CNTN6: variants seen among roughly 807,000 people sequenced by gnomAD.
CNTN6 encodes the protein contactin-6.
In CNTN6, 137 loss-of-function variants were observed where a neutral mutation model predicts 122.8. That is an observed-to-expected ratio of 1.12 (90% CI 0.97 to 1.29). The LOEUF is 1.29. CNTN6 is among the 50% of genes most tolerant of loss of function. CNTN6 has a pLI of 0.00. For missense variants in CNTN6, 1,634 were observed against 1,223.4 expected (o/e 1.34, Z -5.01); for synonymous variants, 570 against 426.0 (o/e 1.34, Z -4.16).
chr3:1,196,361 A>T (rs756567613), intron 2 of CNTN6, among the ~76,000 whole-genome samples: 2 of 152,220 alleles, frequency 1.3e-5, no homozygotes, highest in Non-Finnish European at 2.9e-5. Context: ...GAGCCAAGAT[A>T]CTTCTGACCT....
chr3:1,366,409 G>A (rs969631027), intron 12 of CNTN6, among the ~76,000 whole-genome samples: 4 of 151,982 alleles, frequency 2.6e-5, no homozygotes, highest in African/African-American at 4.8e-5. Context: ...GATGAGCCTC[G>A]AGTAACTGCA....
chr3:1,224,890 C>A (rs1457372928), intron 3 of CNTN6, among the ~76,000 whole-genome samples: 1 of 152,112 alleles, frequency 6.6e-6, no homozygotes, highest in African/African-American at 2.4e-5. Flanking sequence ...GGATTACAGG[C>A]GTGTGCCACT....
At chr3:1,236,200 C>G (rs527724668) in intron 4 of CNTN6, among the ~76,000 whole-genome samples, 1 of 152,090 alleles carries the variant, frequency 6.6e-6, no homozygotes, top group African/African-American at 2.4e-5. Context: ...ACCTGAGAAA[C>G]CTGAATACTT....
chr3:1,178,902 G>T (rs2093503039), intron 2 of CNTN6, among the ~76,000 whole-genome samples: 1 of 152,042 alleles, frequency 6.6e-6, no homozygotes, highest in Non-Finnish European at 1.5e-5. Context: ...TCTTCACACT[G>T]CAACTCTCTG....
intron 1 of CNTN6, among the ~76,000 whole-genome samples, chr3:1,120,378 T>C (rs1055993336): frequency 6.6e-6 from 1 of 151,994 alleles, no homozygotes; most frequent in African/African-American, 2.4e-5. Flanking sequence ...GGTCAGTCTT[T>C]TTAGTTTTAG....
At chr3:1,234,492 T>C (rs951021040) in intron 4 of CNTN6, among the ~76,000 whole-genome samples, 6 of 152,148 alleles carry the variant, frequency 3.9e-5, no homozygotes, top group African/African-American at 1.4e-4. Flanking sequence ...AGCAGTTATA[T>C]GTGCTCCCGA....
chr3:1,372,919 G>A lies in CNTN6; in HGVS notation c.1750G>A (p.Glu584Lys). 1 of 1,606,478 alleles carries A rather than the reference G, an allele frequency of 6.2e-7. No homozygotes were observed. Among genetic ancestry groups the A allele is most frequent in the Non-Finnish European group, 8.5e-7 (1 of 1,175,036 alleles). ...TCTCTGCACAGTACAAACAACCCTA[G>A]AAAGTTTATCTGCAGTAGCCGATAT... ...KYLCTVQTTL[E>K]SLSAVADIIV... Residue 584 changes from glutamate (E) to lysine (K), a missense_variant, in exon 14 of 23, where the codon GAA becomes AAA. Glu to Lys is a moderately conservative substitution (Grantham distance 56). Coordinates refer to ENST00000446702, the MANE Select transcript of CNTN6 (RefSeq NM_001289080.2).
At chr3:1,217,499 A>G (rs1180360795) in intron 2 of CNTN6, among the ~76,000 whole-genome samples, 1 of 152,238 alleles carries the variant, frequency 6.6e-6, no homozygotes, top group Non-Finnish European at 1.5e-5. Context: ...AATTAACAAA[A>G]GAAAAGCAGA....
intron 4 of CNTN6, among the ~76,000 whole-genome samples, chr3:1,247,014 A>G (rs1243270607): frequency 1.3e-5 from 2 of 151,878 alleles, no homozygotes; most frequent in African/African-American, 4.8e-5. Context: ...AAAAATTTAA[A>G]TTTAACATAG....
At chr3:1,351,471 G>T (rs1705618721) in intron 11 of CNTN6, among the ~76,000 whole-genome samples, 1 of 151,162 alleles carries the variant, frequency 6.6e-6, no homozygotes, top group South Asian at 2.1e-4. Flanking sequence ...GCCTAAAATT[G>T]GACGAATATT....
At chr3:1,339,140 C>T (rs1387371211) in intron 11 of CNTN6, among the ~76,000 whole-genome samples, 2 of 150,708 alleles carry the variant, frequency 1.3e-5, no homozygotes, top group African/African-American at 2.4e-5. Context: ...AATTTTTTTT[C>T]AAATGAAATG....
intron 20 of CNTN6, among the ~76,000 whole-genome samples, chr3:1,399,261 C>A (rs1253651030): frequency 6.6e-6 from 1 of 151,970 alleles, no homozygotes; most frequent in African/African-American, 2.4e-5. Context: ...TTGCAATATC[C>A]TGTGAGAATT....
chr3:1,185,643 C>A (rs1398708875), intron 2 of CNTN6, among the ~76,000 whole-genome samples: 2 of 152,140 alleles, frequency 1.3e-5, no homozygotes, highest in African/African-American at 2.4e-5. Flanking sequence ...CAATTAATGA[C>A]ACAATAAATA....
intron 2 of CNTN6, among the ~76,000 whole-genome samples, chr3:1,161,697 TA>T (rs961276011): frequency 4.2e-4 from 63 of 151,310 alleles, no homozygotes; most frequent in Non-Finnish European, 1.5e-4. Flanking sequence ...ATTTATTCGG[TA>T]CAAAAAACAA....
chr3:1,278,440 G>T lies in CNTN6; in HGVS notation c.386G>T (p.Arg129Ile). 1 of 1,608,014 alleles carries T rather than the reference G, an allele frequency of 6.2e-7. No homozygotes were observed. The highest frequency in any genetic ancestry group is 8.5e-7 in the Non-Finnish European group (1 of 1,176,140). Residue 129 changes from arginine (R) to isoleucine (I), a missense_variant, in exon 5 of 23, where the codon AGA becomes ATA. Transcript: ENST00000446702. ...AYIEDFETKT[R>I]STVSVREGQG... ...ATTGAAGACTTTGAAACTAAAACAA[G>T]AAGCACAGTATCTGTCCGAGAAGGT...
At chr3:1,117,173 G>A (rs1467998130) in intron 1 of CNTN6, among the ~76,000 whole-genome samples, 1 of 152,074 alleles carries the variant, frequency 6.6e-6, no homozygotes, top group Non-Finnish European at 1.5e-5. Context: ...AGGTTTATTT[G>A]GCTTCTTAAA....
At chr3:1,375,479 A>G (rs906235813) in intron 16 of CNTN6, among the ~76,000 whole-genome samples, 31 of 152,088 alleles carry the variant, frequency 2.0e-4, no homozygotes, top group African/African-American at 7.2e-4. Context: ...AAGTACAATT[A>G]ATTTAAAATT....
intron 1 of CNTN6, among the ~76,000 whole-genome samples, chr3:1,123,688 C>T (rs996422): frequency 0.42 from 63,128 of 151,552 alleles, 13,438 homozygotes; most frequent in East Asian, 0.48. Context: ...AGTTTTCTTG[C>T]CTACTTGCTC....
chr3:1,125,469 A>G (rs146058706), intron 1 of CNTN6, among the ~76,000 whole-genome samples: 206 of 151,940 alleles, frequency 1.4e-3, no homozygotes, highest in African/African-American at 4.7e-3. Flanking sequence ...GCAGTGCCCA[A>G]TTTCTGAAGA....
Sources: gnomAD v4.1 joint callset for allele counts (sites outside exome capture counted in the v4.1 genomes callset) on GRCh38, gnomAD v4.1.1 for gene constraint, MANE v1.5 for transcripts, NCBI Gene and HGNC (gene_info 2026-07-23, HGNC 2026-07-21) for gene names.